UBE2E2: variants seen among roughly 807,000 people sequenced by gnomAD.
UBE2E2 encodes ubiquitin conjugating enzyme E2 E2, also known as ubiquitin-conjugating enzyme E2 E2.
UBE2E2 carries 6 observed loss-of-function variants against 24.7 expected under a neutral mutation model. The ratio of observed to expected loss-of-function variants is 0.24; its 90% CI spans 0.13 to 0.48. UBE2E2 has a LOEUF of 0.48. UBE2E2 is among the 20% of genes least tolerant of loss of function. The pLI is 0.99. For synonymous variants in UBE2E2, 104 were observed against 83.6 expected, an observed-to-expected ratio of 1.24 and a Z score of -1.33; for missense variants, 169 against 245.0, an observed-to-expected ratio of 0.69 and a Z score of 2.07.
chr3:23,318,960 G>A (rs931549359), intron 3 of UBE2E2, among the ~76,000 whole-genome samples: 1 of 152,142 alleles, frequency 6.6e-6, no homozygotes, highest in East Asian at 1.9e-4. Flanking sequence ...TTTTAAGATT[G>A]CATCTTTTCC....
intron 4 of UBE2E2, among the ~76,000 whole-genome samples, chr3:23,510,219 G>T (rs1694561448): frequency 6.6e-6 from 1 of 152,174 alleles, no homozygotes; most frequent in African/African-American, 2.4e-5. Context: ...AGAGAAGATA[G>T]GACCACCTGT....
intron 3 of UBE2E2, among the ~76,000 whole-genome samples, chr3:23,481,737 TG>T (rs1193449495): frequency 1.3e-5 from 2 of 152,234 alleles, no homozygotes; most frequent in African/African-American, 4.8e-5. Flanking sequence ...AAGATGGGGA[TG>T]GGCAGTGTAA....
intron 5 of UBE2E2, among the ~76,000 whole-genome samples, chr3:23,557,455 A>G (rs1424916559): frequency 3.9e-5 from 6 of 152,244 alleles, no homozygotes; most frequent in Admixed American, 1.3e-4. Flanking sequence ...AACCCTGGAC[A>G]GGATGCCATT....
At chr3:23,578,689 A>G (rs1308262145) in intron 5 of UBE2E2, among the ~76,000 whole-genome samples, 2 of 152,080 alleles carry the variant, frequency 1.3e-5, no homozygotes, top group Non-Finnish European at 2.9e-5. Context: ...CAAACCAAAC[A>G]CCACATGTTC....
chr3:23,225,862 T>C (rs776548664), intron 3 of UBE2E2, among the ~76,000 whole-genome samples: 32 of 150,340 alleles, frequency 2.1e-4, no homozygotes, highest in Admixed American at 8.0e-4. Flanking sequence ...AGCCATTTTA[T>C]AGAAGAAAGT....
intron 1 of UBE2E2, among the ~76,000 whole-genome samples, chr3:23,206,995 A>G (rs1552931): frequency 0.26 from 40,154 of 152,012 alleles, 5,674 homozygotes; most frequent in Non-Finnish European, 0.32. Flanking sequence ...TTAAAGATAT[A>G]TTTTTTGCTG....
chr3:23,279,603 T>C (rs1698443595), intron 3 of UBE2E2, among the ~76,000 whole-genome samples: 1 of 152,204 alleles, frequency 6.6e-6, no homozygotes. Context: ...ATGTTTTATG[T>C]GCCATCTCTG....
chr3:23,326,928 G>A (rs1694906636), intron 3 of UBE2E2, among the ~76,000 whole-genome samples: 1 of 152,070 alleles, frequency 6.6e-6, no homozygotes, highest in Admixed American at 6.5e-5. Context: ...GCGATGTTTG[G>A]TTTTCTGTCC....
intron 3 of UBE2E2, among the ~76,000 whole-genome samples, chr3:23,296,377 C>CA (rs1698909263): frequency 6.6e-6 from 1 of 151,896 alleles, no homozygotes; most frequent in South Asian, 2.1e-4. Flanking sequence ...AGGTTTGGTA[C>CA]ATATGTATAC....
intron 5 of UBE2E2, among the ~76,000 whole-genome samples, chr3:23,580,997 C>T (rs959401728): frequency 2.6e-5 from 4 of 152,142 alleles, no homozygotes; most frequent in East Asian, 1.9e-4. Flanking sequence ...ATGTTAAACA[C>T]GTTTTGCATA....
chr3:23,370,677 A>C (rs1696378341), intron 3 of UBE2E2, among the ~76,000 whole-genome samples: 1 of 152,182 alleles, frequency 6.6e-6, no homozygotes, highest in Non-Finnish European at 1.5e-5. Context: ...TTGTTATTTA[A>C]GGACCTGTGA....
intron 4 of UBE2E2, among the ~76,000 whole-genome samples, chr3:23,507,394 A>C (rs769407066): frequency 6.6e-6 from 1 of 152,232 alleles, no homozygotes; most frequent in Non-Finnish European, 1.5e-5. Flanking sequence ...TGTAAGCTCA[A>C]TGAACACAGA....
intron 3 of UBE2E2, among the ~76,000 whole-genome samples, chr3:23,482,726 C>A (rs1028115842): frequency 6.6e-6 from 1 of 151,816 alleles, no homozygotes; most frequent in Non-Finnish European, 1.5e-5. Context: ...TTTAGGAAAT[C>A]CAGGTTTATG....
At chr3:23,451,211 C>G (rs1373600903) in intron 3 of UBE2E2, among the ~76,000 whole-genome samples, 1 of 152,178 alleles carries the variant, frequency 6.6e-6, no homozygotes, top group Non-Finnish European at 1.5e-5. Context: ...AACATAGCCT[C>G]TCCTCTTAAA....
chr3:23,547,685 A>G (rs1695553303), intron 5 of UBE2E2, among the ~76,000 whole-genome samples: 1 of 152,178 alleles, frequency 6.6e-6, no homozygotes. Flanking sequence ...ACCCTCGAGG[A>G]TGTTGATTGC....
At chr3:23,211,840 A>G (rs969675108) in intron 2 of UBE2E2, among the ~76,000 whole-genome samples, 1 of 152,186 alleles carries the variant, frequency 6.6e-6, no homozygotes, top group African/African-American at 2.4e-5. Context: ...TAAGCTCTCA[A>G]AACTGATGCC....
intron 3 of UBE2E2, among the ~76,000 whole-genome samples, chr3:23,469,612 G>A (rs915427144): frequency 4.6e-5 from 7 of 152,160 alleles, no homozygotes; most frequent in African/African-American, 1.7e-4. Context: ...ATAAAGCAGA[G>A]TTGAACCTGC....
intron 3 of UBE2E2, among the ~76,000 whole-genome samples, chr3:23,311,846 A>G (rs1694404538): frequency 6.6e-6 from 1 of 152,146 alleles, no homozygotes. Context: ...CATCCCCTCA[A>G]GCATTTATCC....
intron 3 of UBE2E2, among the ~76,000 whole-genome samples, chr3:23,294,260 C>A (rs562196906): frequency 6.6e-6 from 1 of 152,228 alleles, no homozygotes; most frequent in South Asian, 2.1e-4. Flanking sequence ...CAATTCTCAC[C>A]TAGCCATAAT....
Sources: gnomAD v4.1 joint callset for allele counts (sites outside exome capture counted in the v4.1 genomes callset) on GRCh38, gnomAD v4.1.1 for gene constraint, MANE v1.5 for transcripts, NCBI Gene and HGNC (gene_info 2026-07-23, HGNC 2026-07-21) for gene names.